The following CCDC102B variants were observed in gnomAD, a reference collection of about 807,000 sequenced individuals.
CCDC102B encodes the protein coiled-coil domain-containing protein 102B.
Under a neutral mutation model 57.4 loss-of-function variants are expected in CCDC102B, and 75 were observed. The ratio of observed to expected loss-of-function variants is 1.31; its 90% CI spans 1.08 to 1.58. The LOEUF is 1.58. Ranked by LOEUF, CCDC102B falls within the 40% of genes most tolerant of loss-of-function variation. The pLI is 0.00. For missense variants in CCDC102B, 636 were observed against 582.6 expected (o/e 1.09, Z -0.94); for synonymous variants, 206 against 201.9 (o/e 1.02, Z -0.17).
chr18:68,997,007 G>A (rs140422038), intron 6 of CCDC102B, among the ~76,000 whole-genome samples: 3 of 152,142 alleles, frequency 2.0e-5, no homozygotes, highest in African/African-American at 4.8e-5. Flanking sequence ...CTGTTCTTGT[G>A]ATAGTGAGTT....
intron 6 of CCDC102B, among the ~76,000 whole-genome samples, chr18:68,900,942 G>A (rs1441665869): frequency 2.6e-5 from 4 of 152,268 alleles, no homozygotes; most frequent in East Asian, 1.9e-4. Context: ...GAAGTAAATT[G>A]CACTGTCACC....
chr18:68,830,162 G>T (rs181626013), intron 1 of CCDC102B, among the ~76,000 whole-genome samples: 2 of 151,934 alleles, frequency 1.3e-5, no homozygotes, highest in Non-Finnish European at 2.9e-5. Context: ...TCATTTAATC[G>T]ATATGAGGTT....
chr18:68,927,325 A>T (rs1036826343), intron 6 of CCDC102B, among the ~76,000 whole-genome samples: 1 of 152,006 alleles, frequency 6.6e-6, no homozygotes, highest in South Asian at 2.1e-4. Flanking sequence ...TCAATTAAGC[A>T]TTTATCCATT....
intron 3 of CCDC102B, among the ~76,000 whole-genome samples, chr18:68,840,858 T>C (rs1310129747): frequency 6.6e-6 from 1 of 152,178 alleles, no homozygotes; most frequent in East Asian, 1.9e-4. Context: ...AACATATACT[T>C]TTTACTTTCT....
chr18:68,918,683 T>G (rs1358105537), intron 6 of CCDC102B, among the ~76,000 whole-genome samples: 1 of 152,132 alleles, frequency 6.6e-6, no homozygotes, highest in Non-Finnish European at 1.5e-5. Context: ...GGATTAAGCA[T>G]TGTTTGGATT....
At chr18:68,755,949 T>C (rs2034033693) in intron 2 of CCDC102B, among the ~76,000 whole-genome samples, 1 of 151,596 alleles carries the variant, frequency 6.6e-6, no homozygotes, top group African/African-American at 2.4e-5. Flanking sequence ...AAACTGTAGA[T>C]AAAAGAGCTA....
At chr18:68,791,461 T>C (rs909988713) in intron 2 of CCDC102B, among the ~76,000 whole-genome samples, 1 of 152,198 alleles carries the variant, frequency 6.6e-6, no homozygotes, top group Non-Finnish European at 1.5e-5. Flanking sequence ...GGAGTAGAAG[T>C]CACTCAGAAA....
chr18:68,884,582 AT>A (rs2039810334), intron 5 of CCDC102B, among the ~76,000 whole-genome samples: 2 of 118,178 alleles, frequency 1.7e-5, no homozygotes, highest in Non-Finnish European at 3.7e-5. Context: ...TACAATACAA[AT>A]ACACACACAC....
At chr18:69,053,992 C>T in intron 7 of CCDC102B, 38 bp from the exon 8 acceptor site, 2 of 1,548,474 alleles carry the variant, frequency 1.3e-6, no homozygotes, top group East Asian at 2.3e-5. Context: ...CTATAGAACA[C>T]TTGAACCTAA....
intron 6 of CCDC102B, among the ~76,000 whole-genome samples, chr18:68,913,865 GAC>G (rs1162216301): frequency 6.6e-6 from 1 of 152,054 alleles, no homozygotes; most frequent in Non-Finnish European, 1.5e-5. Context: ...TACATACAGA[GAC>G]AGTGCAATTT....
chr18:68,804,915 G>T (rs1435060071), intron 1 of CCDC102B, among the ~76,000 whole-genome samples: 3 of 150,206 alleles, frequency 2.0e-5, no homozygotes, highest in African/African-American at 4.9e-5. Flanking sequence ...ATTTGCTAAT[G>T]GGAATAATCT....
At chr18:68,933,779 A>G (rs2041757490) in intron 6 of CCDC102B, among the ~76,000 whole-genome samples, 1 of 151,910 alleles carries the variant, frequency 6.6e-6, no homozygotes, top group Non-Finnish European at 1.5e-5. Flanking sequence ...AATTAGGATG[A>G]TTGCCATTAG....
chr18:68,809,613 C>G (rs1330338417), intron 1 of CCDC102B, among the ~76,000 whole-genome samples: 1 of 152,086 alleles, frequency 6.6e-6, no homozygotes, highest in Non-Finnish European at 1.5e-5. Context: ...TAAATACATA[C>G]TCATTTCCAT....
intron 6 of CCDC102B, among the ~76,000 whole-genome samples, chr18:69,005,147 A>G (rs1020150495): frequency 6.6e-6 from 1 of 152,156 alleles, no homozygotes; most frequent in Non-Finnish European, 1.5e-5. Flanking sequence ...TCTTTAATGT[A>G]TTTAAGTAGC....
At chr18:68,780,074 A>G (rs908964355) in intron 2 of CCDC102B, among the ~76,000 whole-genome samples, 3 of 152,080 alleles carry the variant, frequency 2.0e-5, no homozygotes, top group African/African-American at 7.2e-5. Context: ...ATCCTTATTT[A>G]TTTGCAGATT....
At chr18:68,877,425 T>C (rs1444329615) in intron 5 of CCDC102B, among the ~76,000 whole-genome samples, 2 of 152,242 alleles carry the variant, frequency 1.3e-5, no homozygotes, top group Non-Finnish European at 2.9e-5. Flanking sequence ...TTATCTTCCT[T>C]AGGACACAAA....
intron 7 of CCDC102B, among the ~76,000 whole-genome samples, chr18:69,022,207 A>C (rs1172219038): frequency 2.0e-4 from 1 of 4,982 alleles, no homozygotes; most frequent in East Asian, 2.7e-3. Context: ...ATATATATAT[A>C]TATATATATA....
At position 68,846,328 on chromosome 18, in the gene CCDC102B, G is replaced by C. The variant is rs191442848; in HGVS notation, c.843G>C (p.Leu281Phe). 5 of 1,554,732 alleles carry C rather than the reference G, an allele frequency of 3.2e-6. No individual in the cohort carries two copies. The Admixed American group carries it at 1.0e-4, about 32-fold the overall frequency. ...LWKEREMRTA[L>F]EKEIERLESA... Reference sequence around the variant, plus strand: ...AATTATTTAGAATGCGCACAGCTTTGGAAAAAGAAATAGAGAGACTGGAGT... The same window carrying C: ...AATTATTTAGAATGCGCACAGCTTTCGAAAAAGAAATAGAGAGACTGGAGT... The change falls in exon 4 of 8, where the codon TTG (leucine) becomes TTC (phenylalanine). Residue 281 changes from leucine (L) to phenylalanine (F), a missense_variant. By Grantham distance (22) the Leu-to-Phe change is conservative. Coordinates refer to ENST00000360242, the MANE Select transcript of CCDC102B (RefSeq NM_024781.3).
At chr18:68,755,090 T>C (rs527686219) in intron 2 of CCDC102B, 1 of 152,248 alleles carries the variant, frequency 6.6e-6, no homozygotes, top group Non-Finnish European at 1.5e-5. Context: ...TTTTTCTCTA[T>C]TCTTTCATCT....
Sources: allele counts gnomAD v4.1 joint callset (sites outside exome capture counted in the v4.1 genomes callset), GRCh38; gene constraint gnomAD v4.1.1; transcripts MANE v1.5; gene names NCBI Gene and HGNC (gene_info 2026-07-23, HGNC 2026-07-21).